VOPP1: variants seen among roughly 807,000 people sequenced by gnomAD.
VOPP1 encodes the protein WW domain binding protein VOPP1.
VOPP1 carries 8 observed loss-of-function variants against 23.5 expected under a neutral mutation model. That is an observed-to-expected ratio of 0.34 (90% CI 0.20 to 0.61). The LOEUF is 0.61. Among genes scored for constraint, VOPP1 ranks in the 20% least tolerant of loss-of-function variants. The pLI is 0.78. For synonymous variants in VOPP1, 83 were observed against 97.3 expected (o/e 0.85, Z 0.86); for missense variants, 174 against 238.1 (o/e 0.73, Z 1.77).
chr7:55,445,206 C>T (rs1791065304), intron 4 of VOPP1, among the ~76,000 whole-genome samples: 1 of 136,810 alleles, frequency 7.3e-6, no homozygotes, highest in Admixed American at 7.3e-5. Flanking sequence ...TTTCTCTACA[C>T]ACACACACAG....
At chr7:55,500,980 C>T (rs930977004) in intron 2 of VOPP1, among the ~76,000 whole-genome samples, 1 of 152,200 alleles carries the variant, frequency 6.6e-6, no homozygotes. Flanking sequence ...GCTTTTATAA[C>T]CTGCTGTGGA....
intron 4 of VOPP1, among the ~76,000 whole-genome samples, chr7:55,491,549 C>A (rs1793570536): frequency 6.6e-6 from 1 of 152,212 alleles, no homozygotes; most frequent in Admixed American, 6.5e-5. Context: ...CCGAGCCAGC[C>A]CAGCCCTCCA....
At chr7:55,571,229 G>A (rs1798342750) in intron 1 of VOPP1, among the ~76,000 whole-genome samples, 1 of 152,192 alleles carries the variant, frequency 6.6e-6, no homozygotes, top group Non-Finnish European at 1.5e-5. Flanking sequence ...GGAGCAAGGA[G>A]AAATTTGTCC....
At chr7:55,536,254 C>G (rs907615928) in intron 1 of VOPP1, among the ~76,000 whole-genome samples, 1 of 152,204 alleles carries the variant, frequency 6.6e-6, no homozygotes, top group African/African-American at 2.4e-5. Context: ...CAAGGCCGGG[C>G]GTGGTGGCTC....
chr7:55,461,155 T>C (rs1791490637), intron 4 of VOPP1, among the ~76,000 whole-genome samples: 1 of 152,224 alleles, frequency 6.6e-6, no homozygotes. Context: ...AAACACCATA[T>C]GTTCTCACTC....
chr7:55,457,024 A>G (rs758724001), intron 4 of VOPP1, among the ~76,000 whole-genome samples: 1 of 152,066 alleles, frequency 6.6e-6, no homozygotes, highest in Non-Finnish European at 1.5e-5. Context: ...AATATAAATT[A>G]TTCCTTCTTT....
Position 55,470,823 on chromosome 7 carries a change from C to G in VOPP1, c.*2032G>C, listed in dbSNP as rs1791769067. On this transcript the variant is annotated 3_prime_UTR_variant, in exon 5 of 5. Transcript: ENST00000285279. ...CAACCCACCATCCACACAATGGAAA[C>G]AAGAATGGCCAGGAAATGTCACCGA... 1.3e-5 allele frequency: 2 copies of G among 152,116 alleles called. No individual in the cohort carries two copies. The highest frequency in any genetic ancestry group is 4.8e-5 in the African/African-American group (2 of 41,364). 9.4% of individuals were successfully genotyped at this position (152,116 alleles called of 1,614,324 possible). A position where few individuals can be genotyped will look rare whatever the true frequency, so the allele number is the denominator to read the frequency against.
At chr7:55,552,021 CAAAAA>C (rs202229227) in intron 1 of VOPP1, among the ~76,000 whole-genome samples, 5 of 55,796 alleles carry the variant, frequency 9.0e-5, no homozygotes, top group Admixed American at 4.2e-4. Flanking sequence ...AGACTGTGTC[CAAAAA>C]AAAAAAAAAA....
chr7:55,516,932 A>ATTTTTT (rs71031862), intron 2 of VOPP1, among the ~76,000 whole-genome samples: 1 of 45,156 alleles, frequency 2.2e-5, no homozygotes, highest in African/African-American at 1.2e-4. Flanking sequence ...ATATATATAT[A>ATTTTTT]TTTTTTTTTT....
chr7:55,488,184 T>G lies in VOPP1; in HGVS notation c.328+4098A>C, dbSNP rs144655958. On this transcript the variant is annotated intron_variant, in intron 4 of 4. Transcript: ENST00000285279. ...TGCATCTTGGCTGACACTATATGCA[T>G]AGATTACACAGAATGAGGAGTGCTT... Among the ~76,000 whole-genome samples the G allele has an allele frequency of 4.3e-3, 660 of 152,316 alleles. 3 individuals carry two copies. Among genetic ancestry groups the G allele is most frequent in the South Asian group, 0.018 (86 of 4,830 alleles).
chr7:55,436,275 T>G (rs1246174674), intron 4 of VOPP1: 1 of 152,252 alleles, frequency 6.6e-6, no homozygotes, highest in East Asian at 1.9e-4. Flanking sequence ...TGTGTTCACC[T>G]CTGAGCTCAC....
chr7:55,546,949 G>A lies in VOPP1; in HGVS notation c.54+25322C>T, dbSNP rs367724518. Among the ~76,000 whole-genome samples the A allele has an allele frequency of 5.4e-4, 83 of 152,360 alleles. 1 individual carries two copies. In the South Asian group the frequency reaches 0.017, roughly 31 times the overall value. On this transcript the variant is annotated intron_variant, in intron 1 of 4. Transcript: ENST00000285279. Reference sequence around the variant, plus strand: ...CCCCAGTGCCCCTGAACATGGAGAAGGACAGCCTTCATTTCACTGATGAGC... The same window carrying A: ...CCCCAGTGCCCCTGAACATGGAGAAAGACAGCCTTCATTTCACTGATGAGC...
intron 1 of VOPP1, chr7:55,562,157 G>T: frequency 2.9e-6 from 2 of 691,812 alleles, no homozygotes; most frequent in Non-Finnish European, 5.3e-6. Context: ...GGAGGTCTCT[G>T]TAGATACTGA....
intron 4 of VOPP1, among the ~76,000 whole-genome samples, chr7:55,436,554 G>A (rs924561207): frequency 3.9e-5 from 6 of 151,926 alleles, no homozygotes; most frequent in Admixed American, 3.3e-4. Flanking sequence ...TCACAACCCC[G>A]TGTCAGTCCT....
intron 4 of VOPP1, among the ~76,000 whole-genome samples, chr7:55,489,555 T>C (rs1793409434): frequency 6.6e-6 from 1 of 152,166 alleles, no homozygotes; most frequent in African/African-American, 2.4e-5. Flanking sequence ...CTCACACGGG[T>C]GCTGGAGCTG....
intron 2 of VOPP1, among the ~76,000 whole-genome samples, chr7:55,517,014 A>G (rs950656480): frequency 8.5e-5 from 11 of 128,744 alleles, no homozygotes; most frequent in Non-Finnish European, 1.2e-4. Context: ...GGTGTGGCTC[A>G]CTGCAACCTC....
intron 4 of VOPP1, among the ~76,000 whole-genome samples, chr7:55,436,886 C>A (rs1272824587): frequency 6.6e-6 from 1 of 152,072 alleles, no homozygotes; most frequent in African/African-American, 2.4e-5. Context: ...GGTTCTGTGG[C>A]CCCCTCCACC....
chr7:55,511,155 T>C (rs533186532), intron 2 of VOPP1, among the ~76,000 whole-genome samples: 3 of 152,276 alleles, frequency 2.0e-5, no homozygotes, highest in South Asian at 2.1e-4. Flanking sequence ...TCAGCAAAGA[T>C]GGAAACAATA....
At chr7:55,489,942 C>T (rs1793441735) in intron 4 of VOPP1, among the ~76,000 whole-genome samples, 1 of 152,122 alleles carries the variant, frequency 6.6e-6, no homozygotes. Flanking sequence ...ATGGGTACAA[C>T]ACAGAGCAGC....
Sources: allele counts gnomAD v4.1 joint callset (sites outside exome capture counted in the v4.1 genomes callset), GRCh38; gene constraint gnomAD v4.1.1; transcripts MANE v1.5; gene names NCBI Gene and HGNC (gene_info 2026-07-23, HGNC 2026-07-21).